SGCD: variants seen among roughly 807,000 people sequenced by gnomAD.
SGCD encodes the protein sarcoglycan delta.
In SGCD, 18 loss-of-function variants were observed where a neutral mutation model predicts 36.6. That is an observed-to-expected ratio of 0.49 (90% confidence interval 0.34 to 0.73). SGCD has a LOEUF of 0.73. Among genes scored for constraint, SGCD ranks in the 30% least tolerant of loss-of-function variants. The pLI is 0.01. For synonymous variants in SGCD, 133 were observed against 130.6 expected (o/e 1.02, Z -0.12); for missense variants, 387 against 346.7 (o/e 1.12, Z -0.92).
chr5:156,028,163 T>C lies in SGCD; in HGVS notation c.-281-89715T>C, dbSNP rs140665205. On this transcript the variant is annotated intron_variant, in intron 1 of 9. Transcript: ENST00000517913. Reference sequence around the variant, plus strand: ...AATGGAGTTTTACTTCAACATCTTCTGAATCTTGTGCTGTTTCTGGGTTCA... The same window carrying C: ...AATGGAGTTTTACTTCAACATCTTCCGAATCTTGTGCTGTTTCTGGGTTCA... 5.4e-4 allele frequency among the ~76,000 whole-genome samples: 83 copies of C among 152,318 alleles called. No homozygotes were observed. In the Middle Eastern group the frequency reaches 0.01, roughly 19 times the overall value.
chr5:156,289,994 C>A, intron 3 of SGCD, among the ~76,000 whole-genome samples: 1 of 152,028 alleles, frequency 6.6e-6, no homozygotes, highest in South Asian at 2.1e-4. Context: ...GAAAGACAAT[C>A]TTATAGGCAG....
chr5:155,987,992 C>G (rs1758363275), intron 1 of SGCD, among the ~76,000 whole-genome samples: 1 of 152,268 alleles, frequency 6.6e-6, no homozygotes, highest in East Asian at 1.9e-4. Context: ...CTTCTGTCTA[C>G]CATATGTGGT....
chr5:156,009,250 C>T (rs779117218), intron 1 of SGCD, among the ~76,000 whole-genome samples: 3 of 152,136 alleles, frequency 2.0e-5, no homozygotes, highest in African/African-American at 4.8e-5. Flanking sequence ...GATTTTTTCT[C>T]AGGTAAAATG....
At chr5:156,326,866 G>C (rs188925690), upstream of SGCD, 1 of 152,542 alleles carries the variant, frequency 6.6e-6, no homozygotes, top group African/African-American at 2.4e-5. Context: ...TTGTGAGTAT[G>C]AGCCCGGCAG....
At chr5:156,654,139 A>C (rs1763581849) in intron 7 of SGCD, among the ~76,000 whole-genome samples, 1 of 152,160 alleles carries the variant, frequency 6.6e-6, no homozygotes, top group Non-Finnish European at 1.5e-5. Flanking sequence ...GTATAGCACA[A>C]GGGGATTATA....
chr5:156,410,526 G>T (rs1198884122), intron 3 of SGCD, among the ~76,000 whole-genome samples: 1 of 152,156 alleles, frequency 6.6e-6, no homozygotes. Context: ...TAAAATGAAA[G>T]TTGGAATTAT....
intron 4 of SGCD, among the ~76,000 whole-genome samples, chr5:156,579,465 A>G (rs535353346): frequency 6.6e-6 from 1 of 152,052 alleles, no homozygotes; most frequent in East Asian, 1.9e-4. Flanking sequence ...CCTGGATATC[A>G]TTGTTAACCT....
intron 4 of SGCD, among the ~76,000 whole-genome samples, chr5:156,525,417 G>A (rs909581714): frequency 2.0e-5 from 3 of 151,728 alleles, no homozygotes; most frequent in African/African-American, 7.3e-5. Context: ...TTTAAATTTG[G>A]GTTATTTAGT....
intron 1 of SGCD, among the ~76,000 whole-genome samples, chr5:156,098,435 C>G (rs1415634920): frequency 6.6e-6 from 1 of 152,114 alleles, no homozygotes; most frequent in African/African-American, 2.4e-5. Context: ...GAAGCACATA[C>G]AATTCTGTGG....
the SGCD span, among the ~76,000 whole-genome samples, chr5:155,813,743 G>C: frequency 6.6e-6 from 1 of 152,146 alleles, no homozygotes; most frequent in Non-Finnish European, 1.5e-5. Flanking sequence ...TTTGATTATA[G>C]AGGGGTCCAT....
chr5:155,849,256 T>G, the SGCD span, among the ~76,000 whole-genome samples: 1 of 152,164 alleles, frequency 6.6e-6, no homozygotes, highest in South Asian at 2.1e-4. Context: ...TCTCTCTTTC[T>G]CTCTATCAGA....
chr5:155,972,181 A>G (rs184183808), intron 1 of SGCD, among the ~76,000 whole-genome samples: 2 of 152,328 alleles, frequency 1.3e-5, no homozygotes, highest in East Asian at 1.9e-4. Context: ...GAGGAAAAGA[A>G]TAATACATGC....
chr5:156,600,064 T>C (rs1761128630), intron 6 of SGCD, among the ~76,000 whole-genome samples: 1 of 152,292 alleles, frequency 6.6e-6, no homozygotes, highest in East Asian at 1.9e-4. Flanking sequence ...CAGGCAAACA[T>C]ACAATTTGAT....
At chr5:155,989,292 T>C (rs959227158) in intron 1 of SGCD, among the ~76,000 whole-genome samples, 1 of 152,320 alleles carries the variant, frequency 6.6e-6, no homozygotes, top group Non-Finnish European at 1.5e-5. Context: ...GTTTTATGTA[T>C]AGAATTTTAT....
intron 6 of SGCD, among the ~76,000 whole-genome samples, chr5:156,596,738 T>A (rs1179705963): frequency 6.6e-6 from 1 of 152,148 alleles, no homozygotes; most frequent in Non-Finnish European, 1.5e-5. Context: ...TCCAGTCTGG[T>A]ATCTTCCTTG....
At chr5:156,717,939 C>G (rs1388356399) in intron 7 of SGCD, among the ~76,000 whole-genome samples, 1 of 152,124 alleles carries the variant, frequency 6.6e-6, no homozygotes, top group Non-Finnish European at 1.5e-5. Context: ...GCCTCTGCCT[C>G]TAGGGATCTG....
chr5:156,359,677 T>A (rs185244195), intron 3 of SGCD, among the ~76,000 whole-genome samples: 8 of 152,142 alleles, frequency 5.3e-5, no homozygotes, highest in Admixed American at 5.2e-4. Flanking sequence ...TTAAGATGAG[T>A]CAACAGCAGG....
the SGCD span, among the ~76,000 whole-genome samples, chr5:155,750,931 G>A: frequency 2.6e-5 from 4 of 152,138 alleles, no homozygotes; most frequent in Non-Finnish European, 5.9e-5. Flanking sequence ...GACTCCTGGG[G>A]CAAAAGAAAG....
the SGCD span, among the ~76,000 whole-genome samples, chr5:155,823,062 A>ATATCTCTATATC: frequency 6.2e-3 from 898 of 145,252 alleles, 8 homozygotes; most frequent in African/African-American, 0.013. Flanking sequence ...CTATATCTCT[A>ATATCTCTATATC]TATCTATCTA....
Sources: gnomAD v4.1 joint callset for allele counts (sites outside exome capture counted in the v4.1 genomes callset) on GRCh38, gnomAD v4.1.1 for gene constraint, MANE v1.5 for transcripts, NCBI Gene and HGNC (gene_info 2026-07-23, HGNC 2026-07-21) for gene names.